The following TTLL6 variants were observed in gnomAD, a reference collection of about 807,000 sequenced individuals.
TTLL6 encodes tubulin polyglutamylase TTLL6.
TTLL6 carries 75 observed loss-of-function variants against 96.4 expected under a neutral mutation model. The observed-to-expected ratio is 0.78, with a 90% CI of 0.65 to 0.94. The LOEUF is 0.94. Ranked by LOEUF, TTLL6 falls within the 40% of genes least tolerant of loss-of-function variation. The pLI is 0.00. For synonymous variants in TTLL6, 411 were observed against 419.4 expected, an observed-to-expected ratio of 0.98 and a Z score of 0.24; for missense variants, 1,030 against 1,093.0, an observed-to-expected ratio of 0.94 and a Z score of 0.81.
chr17:48,785,861 G>A (rs140833905), intron 12 of TTLL6, among the ~76,000 whole-genome samples: 5 of 152,252 alleles, frequency 3.3e-5, no homozygotes, highest in East Asian at 1.9e-4. Context: ...CCTGAAGCCC[G>A]CTCCCTAAAT....
intron 13 of TTLL6, among the ~76,000 whole-genome samples, chr17:48,773,943 G>A (rs865856516): frequency 1.3e-4 from 19 of 151,174 alleles, no homozygotes; most frequent in African/African-American, 3.4e-4. Flanking sequence ...TTAGCTGGGC[G>A]TGGTGGTGCA....
chr17:48,804,863 C>T lies in TTLL6; in HGVS notation c.232G>A (p.Val78Ile), dbSNP rs199846678. ...TTCTCTCTCACAAAAGCCAGCGCGA[C>T]GGTTTCTTTTGGATCTTCTTTGGAA... ...DSSKEDPKET[V>I]ALAFVRENPG... The change falls in exon 2 of 16, where the codon GTC (valine) becomes ATC (isoleucine). Residue 78 changes from valine (V) to isoleucine (I), a missense_variant. Physicochemically the swap from Val to Ile is conservative, Grantham distance 29 (BLOSUM62 3). Coordinates refer to ENST00000393382, the MANE Select transcript of TTLL6 (RefSeq NM_001130918.3). 222 of 1,552,212 alleles carry T rather than the reference C, an allele frequency of 1.4e-4. 1 individual carries two copies. Among genetic ancestry groups the T allele is most frequent in the South Asian group, 3.4e-4 (29 of 84,072 alleles).
rs1166936528 is a variant in TTLL6 at position 48,803,574 on chromosome 17, G to A, written c.361+317C>T. ...GTAGATCAGATTCAGTTCACGAACT[G>A]CAAGTTTGTAACTTGTACTCTGAAA... is the stretch of plus-strand genomic sequence containing the variant. On this transcript the variant is annotated intron_variant, in intron 3 of 15. Transcript: ENST00000393382. Among the ~76,000 whole-genome samples, 3 of 151,744 alleles carry A rather than the reference G, an allele frequency of 2.0e-5. No homozygotes were observed. The East Asian group carries it at 5.8e-4, about 29-fold the overall frequency.
intron 1 of TTLL6, among the ~76,000 whole-genome samples, chr17:48,815,557 G>A (rs2039656842): frequency 6.6e-6 from 1 of 152,202 alleles, no homozygotes; most frequent in African/African-American, 2.4e-5. Flanking sequence ...AGGACCACTA[G>A]GAGGATAAAA....
chr17:48,778,299 A>C (rs1238501866), intron 13 of TTLL6, among the ~76,000 whole-genome samples: 3 of 148,156 alleles, frequency 2.0e-5, no homozygotes, highest in Non-Finnish European at 3.0e-5. Flanking sequence ...AAAAAAAGAC[A>C]AGAAAGAAAT....
At chr17:48,785,342 T>C in intron 12 of TTLL6, 141 bp from the exon 13 acceptor site, 6 of 1,265,568 alleles carry the variant, frequency 4.7e-6, no homozygotes, top group Non-Finnish European at 5.4e-6. Flanking sequence ...AATGTGGGGC[T>C]CTCAACTTGG....
intron 7 of TTLL6, 103 bp from the exon 8 acceptor site, chr17:48,796,249 G>C: frequency 1.1e-6 from 1 of 897,358 alleles, no homozygotes; most frequent in Non-Finnish European, 1.7e-6. Flanking sequence ...GGGATGGAAA[G>C]AAAGGGAAGT....
rs780317705 is a variant in TTLL6 at position 48,801,219 on chromosome 17, G to T, written c.611+36C>A. ...CAAGAGGAAATGTAAATGGGGAGGG[G>T]AGTGGAGAAGGAAGTACAGGGCGGG... On this transcript the variant is annotated intron_variant, in intron 5 of 15. Coordinates refer to ENST00000393382, the MANE Select transcript of TTLL6 (RefSeq NM_001130918.3). 2.9e-5 allele frequency: 44 copies of T among 1,533,460 alleles called. No homozygotes were observed. In the African/African-American group the frequency reaches 5.5e-4, roughly 19 times the overall value. The allele number at this position is 1,533,460 out of a possible 1,614,324, so 95.0% of individuals were successfully genotyped here. A position where few individuals can be genotyped will look rare whatever the true frequency, so the allele number is the denominator to read the frequency against.
chr17:48,771,164 A>G (rs898412426), intron 13 of TTLL6, among the ~76,000 whole-genome samples: 1 of 152,146 alleles, frequency 6.6e-6, no homozygotes, highest in Admixed American at 6.6e-5. Context: ...TTTCATGTGC[A>G]GTTTGGCGTG....
At chr17:48,805,293 A>C (rs757697181) in intron 1 of TTLL6, among the ~76,000 whole-genome samples, 5 of 152,190 alleles carry the variant, frequency 3.3e-5, no homozygotes, top group Non-Finnish European at 7.4e-5. Flanking sequence ...AATCTTATTA[A>C]AGTGAGTGAG....
At chr17:48,794,093 T>G in intron 8 of TTLL6, 1 of 1,542,950 alleles carries the variant, frequency 6.5e-7, no homozygotes, top group Non-Finnish European at 8.8e-7. Context: ...ACACGGCTGC[T>G]CCAGGAGAGA....
intron 15 of TTLL6, among the ~76,000 whole-genome samples, chr17:48,766,961 GTT>G (rs2038626738): frequency 6.8e-6 from 1 of 147,870 alleles, no homozygotes; most frequent in Admixed American, 6.8e-5. Flanking sequence ...TTTGTTTTGT[GTT>G]TTTGAGATGG....
At chr17:48,775,088 A>C (rs557013592) in intron 13 of TTLL6, among the ~76,000 whole-genome samples, 1 of 152,096 alleles carries the variant, frequency 6.6e-6, no homozygotes, top group Non-Finnish European at 1.5e-5. Context: ...GTGCCACTGC[A>C]CACTAGCCTG....
chr17:48,791,454 G>A lies in TTLL6; in HGVS notation c.1148C>T (p.Thr383Ile). ...HNYHTCFPNH[T>I]LNSACFEILG... ...GATCTCAAAGCAGGCGCTGTTGAGT[G>A]TGTGGTTGGGGAAGCAGGTGTGGTA... Residue 383 changes from threonine (T) to isoleucine (I), a missense_variant, in exon 9 of 16, where the codon ACA becomes ATA. Coordinates refer to ENST00000393382, the MANE Select transcript of TTLL6 (RefSeq NM_001130918.3). 6.2e-7 allele frequency: 1 copy of A among 1,614,228 alleles called. No individual in the cohort carries two copies. The highest frequency in any genetic ancestry group is 2.2e-5 in the East Asian group (1 of 44,886).
intron 1 of TTLL6, among the ~76,000 whole-genome samples, chr17:48,811,493 G>A (rs1435892105): frequency 1.3e-5 from 2 of 152,044 alleles, no homozygotes; most frequent in African/African-American, 4.8e-5. Flanking sequence ...AACCTTGGAA[G>A]TAGCTGGGAT....
At chr17:48,772,172 G>C (rs978508054) in intron 13 of TTLL6, among the ~76,000 whole-genome samples, 2 of 151,756 alleles carry the variant, frequency 1.3e-5, no homozygotes, top group South Asian at 4.2e-4. Context: ...ATCCACACTC[G>C]AGAGAAAAAA....
At chr17:48,804,447 G>A (rs1016246707) in intron 2 of TTLL6, 10 of 515,476 alleles carry the variant, frequency 1.9e-5, no homozygotes, top group African/African-American at 7.6e-5. Context: ...TACTGAAGGC[G>A]TACTAAATTT....
At chr17:48,814,201 C>G (rs2143507753) in intron 1 of TTLL6, among the ~76,000 whole-genome samples, 1 of 151,754 alleles carries the variant, frequency 6.6e-6, no homozygotes, top group Middle Eastern at 3.4e-3. Context: ...CGCCTGTAAT[C>G]CCAGCTACTC....
chr17:48,784,583 T>G (rs945873174), intron 13 of TTLL6, among the ~76,000 whole-genome samples: 1 of 152,066 alleles, frequency 6.6e-6, no homozygotes, highest in Non-Finnish European at 1.5e-5. Context: ...AGATGGAGCA[T>G]GGTCCTGCCA....
Sources: allele counts gnomAD v4.1 joint callset (sites outside exome capture counted in the v4.1 genomes callset), GRCh38; gene constraint gnomAD v4.1.1; transcripts MANE v1.5; gene names NCBI Gene and HGNC (gene_info 2026-07-23, HGNC 2026-07-21).